The following UVRAG variants were observed in gnomAD, a reference collection of about 807,000 sequenced individuals.
The protein encoded by UVRAG is UV radiation resistance associated, also known as UV radiation resistance-associated gene protein.
In UVRAG, 19 loss-of-function variants were observed where a neutral mutation model predicts 78.0. The observed-to-expected ratio is 0.24, with a 90% confidence interval of 0.17 to 0.36. The LOEUF (loss-of-function observed/expected upper bound fraction) is 0.36, where lower values mean the gene tolerates loss of function less well. Among genes scored for constraint, UVRAG ranks in the 10% least tolerant of loss-of-function variants. UVRAG has a pLI of 1.00. For missense variants in UVRAG, 740 were observed against 853.8 expected (o/e 0.87, Z 1.66); for synonymous variants, 323 against 324.6 (o/e 1.00, Z 0.05).
Position 76,007,600 on chromosome 11 carries a change from C to T in UVRAG, c.978C>T (p.Ser326=), listed in dbSNP as rs1186934969. The T allele has an allele frequency of 3.1e-6, 5 of 1,613,586 alleles. No homozygotes were observed. In the African/African-American group the frequency reaches 5.3e-5, roughly 17 times the overall value. The change falls in exon 10 of 15, where the codon TCC becomes TCT. Residue 326 remains serine (S), a synonymous_variant. Coordinates refer to ENST00000356136, the MANE Select transcript of UVRAG (RefSeq NM_003369.4). ...GCAGGCAGTTACTCTCTGAGCTTTC[C>T]TACATTTACCCTATTGATTTGGTAA... ...IRCRQLLSEL[S]YIYPIDLNEH...
chr11:75,983,569 C>T, intron 8 of UVRAG, 56 bp downstream of exon 8: 2 of 1,489,172 alleles, frequency 1.3e-6, no homozygotes, highest in Non-Finnish European at 1.8e-6. Flanking sequence ...GTTCTCCTTT[C>T]TTCTTCTTCA....
chr11:75,973,312 T>C (rs773582417), intron 7 of UVRAG, among the ~76,000 whole-genome samples: 1 of 152,248 alleles, frequency 6.6e-6, no homozygotes, highest in Non-Finnish European at 1.5e-5. Flanking sequence ...TACCATTTTT[T>C]CTTCCTTAGC....
chr11:76,026,357 A>G lies in UVRAG; in HGVS notation c.1226+9377A>G, dbSNP rs566656212. The stretch of plus-strand genomic sequence containing the variant: ...GACAACATCTTATATTAAGAATTAC[A>G]TATTCCTTCCTATAAAAATTCTCAG... On this transcript the variant is annotated intron_variant, in intron 12 of 14. Transcript: ENST00000356136. Among the ~76,000 whole-genome samples, 4 of 152,274 alleles carry G rather than the reference A, an allele frequency of 2.6e-5. No individual in the cohort carries two copies. The South Asian group carries it at 6.2e-4, about 24-fold the overall frequency.
chr11:76,069,570 C>A (rs753681035), intron 13 of UVRAG, among the ~76,000 whole-genome samples: 4 of 152,078 alleles, frequency 2.6e-5, no homozygotes, highest in Non-Finnish European at 4.4e-5. Context: ...GCTTTTAATT[C>A]TCAGAGCATA....
chr11:75,977,872 T>C (rs916049771), intron 7 of UVRAG, among the ~76,000 whole-genome samples: 17 of 152,166 alleles, frequency 1.1e-4, no homozygotes, highest in Non-Finnish European at 2.2e-4. Flanking sequence ...CATTTACACT[T>C]AAGGTTAATA....
chr11:75,830,235 A>G (rs1397713743), intron 1 of UVRAG, among the ~76,000 whole-genome samples: 1 of 152,086 alleles, frequency 6.6e-6, no homozygotes, highest in African/African-American at 2.4e-5. Flanking sequence ...GAATGCCAGA[A>G]TATCTTTGAA....
chr11:76,122,539 C>T (rs553150767), intron 14 of UVRAG, among the ~76,000 whole-genome samples: 14 of 152,274 alleles, frequency 9.2e-5, no homozygotes, highest in African/African-American at 3.1e-4. Flanking sequence ...AATAAATAAG[C>T]GGTAGCTTTT....
intron 6 of UVRAG, among the ~76,000 whole-genome samples, chr11:75,917,788 C>T (rs983206228): frequency 1.3e-5 from 2 of 152,146 alleles, no homozygotes; most frequent in East Asian, 3.9e-4. Context: ...AATTTTTCTT[C>T]CCTTGGTGAT....
At chr11:76,054,957 T>G (rs941361961) in intron 12 of UVRAG, among the ~76,000 whole-genome samples, 1 of 152,266 alleles carries the variant, frequency 6.6e-6, no homozygotes, top group Non-Finnish European at 1.5e-5. Context: ...ATTTATTGAT[T>G]GAATCAGTTC....
intron 12 of UVRAG, among the ~76,000 whole-genome samples, chr11:76,024,010 T>C (rs1950288428): frequency 6.6e-6 from 1 of 152,164 alleles, no homozygotes; most frequent in African/African-American, 2.4e-5. Context: ...TGACCAGATA[T>C]ATACTTAAGA....
At position 75,908,712 on chromosome 11, in the gene UVRAG, C is replaced by CTTTTTTTTT. The variant is rs1024795820; in HGVS notation, c.508-3223_508-3215dup. On this transcript the variant is annotated intron_variant, in intron 5 of 14. Coordinates refer to ENST00000356136, the MANE Select transcript of UVRAG (RefSeq NM_003369.4). ...ACCAGTCAAATAATCTGGTTCTGGG[C>CTTTTTTTTT]TTTTTTTTTTTTTTTTTTTTTTTTT... 1.8e-4 allele frequency among the ~76,000 whole-genome samples: 8 copies of CTTTTTTTTT among 45,452 alleles called. 1 individual carries two copies. The highest frequency in any genetic ancestry group is 6.9e-4 in the African/African-American group (8 of 11,592). 29.8% of individuals were successfully genotyped at this position (45,452 alleles called of 152,430 possible).
At chr11:76,062,146 C>T (rs144580517) in intron 12 of UVRAG, among the ~76,000 whole-genome samples, 105 of 152,264 alleles carry the variant, frequency 6.9e-4, no homozygotes, top group African/African-American at 2.5e-3. Context: ...CTGCACACAA[C>T]CTCTTTTCCC....
intron 5 of UVRAG, among the ~76,000 whole-genome samples, chr11:75,902,899 T>C (rs1336009477): frequency 6.6e-6 from 1 of 152,194 alleles, no homozygotes; most frequent in Non-Finnish European, 1.5e-5. Flanking sequence ...TGATTAATCT[T>C]GCTAAAGGAT....
Position 75,937,360 on chromosome 11 carries a change from C to T in UVRAG, c.594-24084C>T, listed in dbSNP as rs117120776. Among the ~76,000 whole-genome samples the T allele has an allele frequency of 6.9e-3, 1,058 of 152,298 alleles. 9 individuals carry two copies. The highest frequency in any genetic ancestry group is 0.017 in the Middle Eastern group (5 of 294). ...CAATATATTTACCATTTCTGGTGCT[C>T]TTCATTTCATTTATTTTCGTCTGGT... On this transcript the variant is annotated intron_variant, in intron 6 of 14. Transcript: ENST00000356136.
intron 8 of UVRAG, among the ~76,000 whole-genome samples, chr11:76,003,318 C>T (rs1056220525): frequency 1.8e-5 from 2 of 110,496 alleles, no homozygotes; most frequent in Non-Finnish European, 3.3e-5. Context: ...CTTGCCCAGG[C>T]TGGAGTGCAG....
At chr11:76,137,547 A>G (rs1214618846) in intron 14 of UVRAG, 4 of 441,332 alleles carry the variant, frequency 9.1e-6, no homozygotes, top group Admixed American at 2.5e-5. Flanking sequence ...TAAACCTTAG[A>G]TATGTAGACT....
At chr11:76,027,117 A>C (rs975515561) in intron 12 of UVRAG, among the ~76,000 whole-genome samples, 1 of 152,184 alleles carries the variant, frequency 6.6e-6, no homozygotes, top group African/African-American at 2.4e-5. Flanking sequence ...TTAACTAAGC[A>C]TTCATTTTGA....
intron 5 of UVRAG, among the ~76,000 whole-genome samples, chr11:75,894,070 A>G (rs1224615701): frequency 5.9e-5 from 9 of 152,364 alleles, no homozygotes; most frequent in Admixed American, 2.0e-4. Flanking sequence ...AGCAAGGGGT[A>G]TACAAATGGT....
chr11:75,959,848 C>G (rs957233945), intron 6 of UVRAG, among the ~76,000 whole-genome samples: 2 of 152,134 alleles, frequency 1.3e-5, no homozygotes, highest in Admixed American at 6.5e-5. Context: ...CTAGAGGTTA[C>G]TGTAAGGCTT....
Sources: allele counts gnomAD v4.1 joint callset (sites outside exome capture counted in the v4.1 genomes callset), GRCh38; gene constraint gnomAD v4.1.1; transcripts MANE v1.5; gene names NCBI Gene and HGNC (gene_info 2026-07-23, HGNC 2026-07-21).